The following POLRMT variants were observed in gnomAD, a reference collection of about 807,000 sequenced individuals.
The protein encoded by POLRMT is DNA-directed RNA polymerase, mitochondrial.
POLRMT carries 114 observed loss-of-function variants against 132.2 expected under a neutral mutation model. That is an observed-to-expected ratio of 0.86 (90% CI 0.74 to 1.01). The LOEUF (loss-of-function observed/expected upper bound fraction) is 1.01, where lower values mean the gene tolerates loss of function less well. POLRMT is among the 50% of genes least tolerant of loss of function. The pLI, the probability that POLRMT is intolerant of heterozygous loss-of-function variation, is 0.00. For synonymous variants in POLRMT, 1,020 were observed against 773.4 expected, an observed-to-expected ratio of 1.32 and a Z score of -5.29; for missense variants, 2,003 against 1,729.1, an observed-to-expected ratio of 1.16 and a Z score of -2.81.
At chr19:630,237 C>T (rs1396997045) in intron 2 of POLRMT, 69 bp from the exon 3 acceptor site, 10 of 1,504,724 alleles carry the variant, frequency 6.6e-6, no homozygotes, top group Non-Finnish European at 8.9e-6. Context: ...CTCTCTGGAC[C>T]CTGAGCCAGG....
In POLRMT at chr19:624,874, T is replaced by G. The variant is rs762944956; in HGVS notation, c.985A>C (p.Lys329Gln). The G allele has an allele frequency of 6.2e-7, 1 of 1,612,804 alleles. No individual in the cohort carries two copies. The highest frequency in any genetic ancestry group is 8.5e-7 in the Non-Finnish European group (1 of 1,179,730). The stretch of plus-strand genomic sequence containing the variant: ...ACGGCGGTGAAGAGTGCCTGCAGCT[T>G]CAGCCCCTCCTGGCTCATCTGTTCC... ...CLEQMSQEGL[K>Q]LQALFTAVLL... is the part of the protein sequence containing the mutation. Residue 329 changes from lysine (K) to glutamine (Q), a missense_variant, in exon 5 of 21, where the codon AAG becomes CAG. Physicochemically the swap from Lys to Gln is moderately conservative, Grantham distance 53. Transcript: ENST00000588649.
chr19:623,340 C>T, intron 6 of POLRMT, 114 bp downstream of exon 6: 4 of 1,479,062 alleles, frequency 2.7e-6, no homozygotes, highest in South Asian at 1.3e-5. Flanking sequence ...GGCGGACACG[C>T]GACCCCGGCT....
Position 622,824 on chromosome 19 carries a change from C to T in POLRMT, c.1452G>A (p.Leu484=). ...GGCCGCGCGGAGGAAGACGCACCTG[C>T]AGGAGCATCCGCACCACCTCGCGCT... is the stretch of plus-strand genomic sequence containing the variant. ...LDEREVVRML[L]QVLQALPAQG... The change falls in exon 7 of 21, where the codon CTG becomes CTA. Residue 484 remains leucine, a synonymous_variant. Transcript: ENST00000588649. The T allele has an allele frequency of 1.3e-6, 2 of 1,591,862 alleles. No individual in the cohort carries two copies. Among genetic ancestry groups the T allele is most frequent in the African/African-American group, 1.3e-5 (1 of 74,490 alleles).
intron 14 of POLRMT, 48 bp downstream of exon 14, chr19:619,162 C>G: frequency 6.2e-7 from 1 of 1,610,310 alleles, no homozygotes; most frequent in Non-Finnish European, 8.5e-7. Flanking sequence ...GGGATCCCGT[C>G]CACTTGCTTA....
chr19:625,471 G>T, intron 3 of POLRMT: 1 of 552,074 alleles, frequency 1.8e-6, no homozygotes, highest in Non-Finnish European at 3.1e-6. Context: ...GTGGGACTGT[G>T]GGAGGTTCAC....
intron 17 of POLRMT, 95 bp from the exon 18 acceptor site, chr19:617,944 G>T: frequency 8.2e-7 from 1 of 1,213,018 alleles, no homozygotes; most frequent in Non-Finnish European, 1.2e-6. Context: ...CTCCACTTGA[G>T]GTCCAGGGAA....
Position 622,876 on chromosome 19 carries a change from A to T in POLRMT, c.1400T>A (p.Leu467His). 4 of 1,610,060 alleles carry T rather than the reference A, an allele frequency of 2.5e-6. No homozygotes were observed. Among genetic ancestry groups the T allele is most frequent in the Non-Finnish European group, 3.4e-6 (4 of 1,178,820 alleles). Reference protein sequence around the residue: ...EREVYEGRFSLYPFLCLLDER... With the variant: ...EREVYEGRFSHYPFLCLLDER... ...GTCCAGCAGGCACAGGAAGGGGTAA[A>T]GTGAGAACCGGCCCTCGTACACCTC... Residue 467 changes from leucine to histidine, a missense_variant, in exon 7 of 21, where the codon CTT becomes CAT. Leu to His is a moderately conservative substitution (Grantham distance 99). Transcript: ENST00000588649.
Position 620,418 on chromosome 19 carries a change from C to T in POLRMT, c.2710G>A (p.Ala904Thr), listed in dbSNP as rs552985137. ...TLACCMEVANAVRASDPAAYV... is the reference protein window; with the variant it reads ...TLACCMEVANTVRASDPAAYV... The stretch of plus-strand genomic sequence containing the variant: ...GCGGCAGGGTCGGAGGCGCGCACAG[C>T]GTTCGCCACCTCCATACAGCAGGCC... Residue 904 changes from alanine (A) to threonine (T), a missense_variant, in exon 11 of 21, where the codon GCT (alanine) becomes ACT (threonine). Ala to Thr is a moderately conservative substitution (Grantham distance 58, BLOSUM62 0). Transcript: ENST00000588649. The T allele has an allele frequency of 4.4e-6, 7 of 1,593,654 alleles. No individual in the cohort carries two copies. The highest frequency in any genetic ancestry group is 4.0e-5 in the African/African-American group (3 of 74,642).
intron 3 of POLRMT, among the ~76,000 whole-genome samples, chr19:628,433 G>A (rs540985007): frequency 5.7e-4 from 87 of 152,308 alleles, no homozygotes; most frequent in Non-Finnish European, 9.4e-4. Flanking sequence ...AGAGCACTGC[G>A]GACTTCACCG....
Position 621,254 on chromosome 19 carries a change from T to C in POLRMT, c.2444A>G (p.His815Arg), listed in dbSNP as rs1984560997. Reference protein sequence around the residue: ...RTYPCPPHFNHLGSDVARALL... With the variant: ...RTYPCPPHFNRLGSDVARALL... Reference sequence around the variant, plus strand: ...GGCCCGCGCCACGTCGCTGCCCAGGTGGTTGAAGTGCGGCGGGCAGGGGTA... The same window carrying C: ...GGCCCGCGCCACGTCGCTGCCCAGGCGGTTGAAGTGCGGCGGGCAGGGGTA... The change falls in exon 10 of 21, where the codon CAC (histidine) becomes CGC (arginine). Residue 815 changes from histidine to arginine, a missense_variant. By Grantham distance (29) the His-to-Arg change is conservative. Transcript: ENST00000588649. 1 of 1,607,866 alleles carries C rather than the reference T, an allele frequency of 6.2e-7. No homozygotes were observed. The highest frequency in any genetic ancestry group is 8.5e-7 in the Non-Finnish European group (1 of 1,177,832).
chr19:633,364 C>T, intron 1 of POLRMT, 61 bp downstream of exon 1: 6 of 1,417,002 alleles, frequency 4.2e-6, no homozygotes, highest in Non-Finnish European at 5.6e-6. Context: ...AGGCCCCGGC[C>T]GCGCGGGGAG....
At chr19:622,448 C>G (rs922722828) in intron 8 of POLRMT, 75 bp from the exon 9 acceptor site, 446 of 1,462,250 alleles carry the variant, frequency 3.1e-4, no homozygotes, top group Non-Finnish European at 3.7e-4. Flanking sequence ...TGCCTGACGC[C>G]CGGTGGGGCA....
intron 6 of POLRMT, 55 bp downstream of exon 6, chr19:623,399 A>G (rs1984782325): frequency 1.3e-6 from 2 of 1,587,988 alleles, no homozygotes; most frequent in Non-Finnish European, 1.7e-6. Context: ...TGCGGTGGAC[A>G]CGCGACCCCG....
rs1985319145 is a variant in POLRMT at position 630,240 on chromosome 19, G to C, written c.194-72C>G. The C allele has an allele frequency of 2.7e-6, 4 of 1,500,636 alleles. No individual in the cohort carries two copies. In the East Asian group the frequency reaches 9.1e-5, roughly 34 times the overall value. 93.0% of individuals were successfully genotyped at this position (1,500,636 alleles called of 1,614,324 possible). ...TCGAGCACCCGTCTCTCTGGACCCT[G>C]AGCCAGGCCAGGAGGTGCAGGTGGC... is the stretch of plus-strand genomic sequence containing the variant. On this transcript the variant is annotated intron_variant, in intron 2 of 20. Coordinates refer to ENST00000588649, the MANE Select transcript of POLRMT (RefSeq NM_005035.4).
intron 3 of POLRMT, among the ~76,000 whole-genome samples, chr19:629,015 T>C (rs187665901): frequency 1.7e-3 from 255 of 151,368 alleles, no homozygotes; most frequent in African/African-American, 5.7e-3. Context: ...AACAAATAAA[T>C]AAACAAACAA....
chr19:623,455 G>C lies in POLRMT; in HGVS notation c.1289C>G (p.Ala430Gly). 1 of 1,611,370 alleles carries C rather than the reference G, an allele frequency of 6.2e-7. No homozygotes were observed. Among genetic ancestry groups the C allele is most frequent in the Non-Finnish European group, 8.5e-7 (1 of 1,179,866 alleles). Residue 430 changes from alanine (A) to glycine (G), a missense_variant and splice_region_variant, in exon 6 of 21, where the codon GCG becomes GGG. Physicochemically the swap from Ala to Gly is moderately conservative, Grantham distance 60. Transcript: ENST00000588649. ...PTLPSKEVKH[A>G]RKTLKTLRDQ... ...ACGGGACCCCGGCTCAGCCCCTACCGCGTGCTTGACCTCCTTGCTTGGCAA... is the reference window on the plus strand; with the variant it reads ...ACGGGACCCCGGCTCAGCCCCTACCCCGTGCTTGACCTCCTTGCTTGGCAA...
intron 3 of POLRMT, among the ~76,000 whole-genome samples, chr19:625,717 C>T (rs1381196925): frequency 6.6e-6 from 1 of 152,066 alleles, no homozygotes; most frequent in East Asian, 1.9e-4. Context: ...TTTTTTTCCC[C>T]CCAAGATGGA....
chr19:618,993 T>C lies in POLRMT; in HGVS notation c.3267+4A>G, dbSNP rs1984263445. On this transcript the variant is annotated splice_donor_region_variant and intron_variant, in intron 15 of 20. Transcript: ENST00000588649. ...ACTGGGGAGGGATGGGGTGGTACACTGACCTTGACCTTGGAGTCCAGGCGA... is the reference window on the plus strand; with the variant it reads ...ACTGGGGAGGGATGGGGTGGTACACCGACCTTGACCTTGGAGTCCAGGCGA... 6 of 1,570,140 alleles carry C rather than the reference T, an allele frequency of 3.8e-6. No individual in the cohort carries two copies. Among genetic ancestry groups the C allele is most frequent in the African/African-American group, 1.4e-5 (1 of 73,514 alleles).
rs774951851 is a variant in POLRMT at position 621,133 on chromosome 19, C to A, written c.2565G>T (p.Glu855Asp). The change falls in exon 10 of 21, where the codon GAG becomes GAT. Residue 855 changes from glutamate (E) to aspartate (D), a missense_variant. Coordinates refer to ENST00000588649, the MANE Select transcript of POLRMT (RefSeq NM_005035.4). ...LVNLTGLKKR[E>D]PLRKRLAFAE... ...CAAAGGCCAGGCGCTTCCGCAGCGG[C>A]TCCCGCTTCTTCAACCCCGTGAGAT... 1 of 1,610,914 alleles carries A rather than the reference C, an allele frequency of 6.2e-7. No homozygotes were observed. Among genetic ancestry groups the A allele is most frequent in the Non-Finnish European group, 8.5e-7 (1 of 1,178,804 alleles).
Sources: gnomAD v4.1 joint callset for allele counts (sites outside exome capture counted in the v4.1 genomes callset) on GRCh38, gnomAD v4.1.1 for gene constraint, MANE v1.5 for transcripts, NCBI Gene and HGNC (gene_info 2026-07-23, HGNC 2026-07-21) for gene names.